Variants in ARHGEF7 observed in about 807,000 individuals in gnomAD.
The protein encoded by ARHGEF7 is PAK-interacting exchange factor beta.
A neutral mutation model predicts 109.8 loss-of-function variants in ARHGEF7; 33 were observed. The ratio of observed to expected loss-of-function variants is 0.30; its 90% CI spans 0.23 to 0.40. The LOEUF is 0.40. Ranked by LOEUF, ARHGEF7 falls within the 10% of genes least tolerant of loss-of-function variation. The pLI, the probability that ARHGEF7 is intolerant of heterozygous loss-of-function variation, is 1.00. For synonymous variants in ARHGEF7, 458 were observed against 424.6 expected, an observed-to-expected ratio of 1.08 and a Z score of -0.97; for missense variants, 938 against 1,098.5, an observed-to-expected ratio of 0.85 and a Z score of 2.07.
chr13:111,202,406 A>G (rs548550405), intron 2 of ARHGEF7, among the ~76,000 whole-genome samples: 2 of 152,322 alleles, frequency 1.3e-5, no homozygotes, highest in Admixed American at 1.3e-4. Flanking sequence ...GCCCTTTTAC[A>G]GCCCCCCAGG....
intron 2 of ARHGEF7, chr13:111,203,198 A>G: frequency 1.1e-6 from 1 of 883,216 alleles, no homozygotes; most frequent in Non-Finnish European, 1.5e-6. Context: ...TTTTCAGAGC[A>G]CTAAGATTAG....
chr13:111,229,297 C>T (rs968480068), intron 5 of ARHGEF7, among the ~76,000 whole-genome samples: 29 of 152,248 alleles, frequency 1.9e-4, no homozygotes, highest in African/African-American at 6.0e-4. Flanking sequence ...TTTTAATCCG[C>T]GTATTTTAAT....
chr13:111,151,738 T>G (rs551549128), intron 1 of ARHGEF7, among the ~76,000 whole-genome samples: 215 of 152,346 alleles, frequency 1.4e-3, no homozygotes, highest in African/African-American at 4.7e-3. Flanking sequence ...ACAGCCTTCT[T>G]GCGCTTAGGG....
intron 4 of ARHGEF7, among the ~76,000 whole-genome samples, chr13:111,216,857 G>A (rs950852130): frequency 3.3e-5 from 5 of 152,198 alleles, no homozygotes; most frequent in African/African-American, 4.8e-5. Context: ...AGCTCTGTCC[G>A]GGGCAGATGG....
chr13:111,183,935 C>T (rs2078997969), intron 2 of ARHGEF7, among the ~76,000 whole-genome samples: 2 of 152,082 alleles, frequency 1.3e-5, no homozygotes, highest in Admixed American at 1.3e-4. Flanking sequence ...TTGCTTATGG[C>T]CGGGTGCGGG....
chr13:111,177,771 C>T (rs77482910), intron 2 of ARHGEF7, among the ~76,000 whole-genome samples: 3,102 of 152,290 alleles, frequency 0.02, 107 homozygotes, highest in African/African-American at 0.071. Context: ...TATTAGCTCA[C>T]GTGCATTTTT....
intron 2 of ARHGEF7, among the ~76,000 whole-genome samples, chr13:111,190,321 G>A (rs1490552148): frequency 6.6e-6 from 1 of 152,198 alleles, no homozygotes; most frequent in East Asian, 1.9e-4. Context: ...GAAAGGCATT[G>A]TCTGACTTCA....
chr13:111,155,016 AC>A (rs778150912), intron 2 of ARHGEF7, among the ~76,000 whole-genome samples: 16 of 152,320 alleles, frequency 1.1e-4, no homozygotes, highest in South Asian at 2.1e-4. Context: ...TTAAAAAAAA[AC>A]AATAAAAAAC....
intron 16 of ARHGEF7, 111 bp from the exon 17 acceptor site, chr13:111,286,036 T>C (rs1567086767): frequency 4.0e-6 from 3 of 743,140 alleles, no homozygotes; most frequent in Non-Finnish European, 6.9e-6. Flanking sequence ...GAAGCTCTTA[T>C]CAGTGGCTAT....
intron 19 of ARHGEF7, chr13:111,295,030 A>G: frequency 2.0e-6 from 2 of 985,854 alleles, no homozygotes; most frequent in Non-Finnish European, 2.4e-6. Context: ...CATTTTTAGT[A>G]GGTGACTACC....
rs1290080485 is a variant in ARHGEF7 at position 111,272,366 on chromosome 13, C to T, written c.1074-1448C>T. The stretch of plus-strand genomic sequence containing the variant: ...GATGGTTCTGGTGTCCCCGAGACCT[C>T]TGGCAGTAGCCAGCTTGGCTGGGGT... On this transcript the variant is annotated intron_variant, in intron 9 of 21. Coordinates refer to ENST00000646102, the MANE Select transcript of ARHGEF7 (RefSeq NM_001354046.2). The surrounding 1 kb of genome is among the most constrained non-coding windows in gnomAD (Gnocchi z 5.2). Among the ~76,000 whole-genome samples the T allele has an allele frequency of 6.6e-6, 1 of 152,238 alleles. No homozygotes were observed. Among genetic ancestry groups the T allele is most frequent in the African/African-American group, 2.4e-5 (1 of 41,470 alleles).
chr13:111,292,706 G>GT (rs2093327364), intron 19 of ARHGEF7: 1 of 1,036,296 alleles, frequency 9.6e-7, no homozygotes, highest in African/African-American at 1.7e-5. Context: ...TGTGATCTAA[G>GT]TGCCAGAACC....
intron 2 of ARHGEF7, among the ~76,000 whole-genome samples, chr13:111,179,298 G>A (rs770984706): frequency 6.6e-6 from 1 of 152,048 alleles, no homozygotes; most frequent in African/African-American, 2.4e-5. Context: ...TGACCAGGCT[G>A]GTCTTGAACT....
At chr13:111,292,411 T>A (rs2093317626) in intron 19 of ARHGEF7, 117 bp downstream of exon 19, 5 of 1,521,570 alleles carry the variant, frequency 3.3e-6, no homozygotes, top group Non-Finnish European at 2.6e-6. Context: ...CTGTTCCTTG[T>A]CTCTTTTATG....
chr13:111,133,265 T>C (rs2074876404), intron 1 of ARHGEF7, among the ~76,000 whole-genome samples: 1 of 152,046 alleles, frequency 6.6e-6, no homozygotes, highest in Non-Finnish European at 1.5e-5. Context: ...ACATACAGTA[T>C]ATACACACCT....
Position 111,274,934 on chromosome 13 carries a change from G to T in ARHGEF7, c.1272+144G>T, listed in dbSNP as rs2092392955. 2.7e-5 allele frequency: 13 copies of T among 478,208 alleles called. No individual in the cohort carries two copies. In the South Asian group the frequency reaches 9.9e-4, roughly 36 times the overall value. The allele number at this position is 478,208 out of a possible 1,614,324, so 29.6% of individuals were successfully genotyped here. A position where few individuals can be genotyped will look rare whatever the true frequency, so the allele number is the denominator to read the frequency against. ...AAACAGAGTCGGCATTCTGTGGCTGGTAAACTCCTTTTAGTGGACTATGAT... is the reference window on the plus strand; with the variant it reads ...AAACAGAGTCGGCATTCTGTGGCTGTTAAACTCCTTTTAGTGGACTATGAT... On this transcript the variant is annotated intron_variant, in intron 11 of 21. Transcript: ENST00000646102.
At position 111,303,847 on chromosome 13, in the gene ARHGEF7, C is replaced by T. The variant is rs1469366003; in HGVS notation, c.*734C>T. ...AGAGGTGTTTGCTCTTGTCCGCTGT[C>T]TGAGTACTGTGATTCTCAGATGAGT... On this transcript the variant is annotated 3_prime_UTR_variant, in exon 22 of 22. Transcript: ENST00000646102. 6.6e-6 allele frequency: 1 copy of T among 152,276 alleles called. No homozygotes were observed. 9.4% of individuals were successfully genotyped at this position (152,276 alleles called of 1,614,324 possible). A position where few individuals can be genotyped will look rare whatever the true frequency, so the allele number is the denominator to read the frequency against.
At chr13:111,160,962 GACTAATGT>G (rs1409951743) in intron 2 of ARHGEF7, among the ~76,000 whole-genome samples, 4 of 152,140 alleles carry the variant, frequency 2.6e-5, no homozygotes, top group African/African-American at 9.7e-5. Context: ...TGTGAACGTG[GACTAATGT>G]ACATGCCAAA....
At position 111,246,240 on chromosome 13, in the gene ARHGEF7, C is replaced by T. The variant is rs747071319; in HGVS notation, c.950+1946C>T. On this transcript the variant is annotated intron_variant, in intron 8 of 21. Transcript: ENST00000646102. Reference sequence around the variant, plus strand: ...TTACTTGTGGGTTTGATGAAGGTGACACATTTTATTTTTAAATTATCTTTG... The same window carrying T: ...TTACTTGTGGGTTTGATGAAGGTGATACATTTTATTTTTAAATTATCTTTG... 1.6e-3 allele frequency among the ~76,000 whole-genome samples: 249 copies of T among 152,162 alleles called. 7 individuals carry two copies. The highest frequency in any genetic ancestry group is 2.2e-4 in the Non-Finnish European group (15 of 68,038).
Sources: gnomAD v4.1 joint callset for allele counts (sites outside exome capture counted in the v4.1 genomes callset) on GRCh38, gnomAD v4.1.1 for gene constraint, Gnocchi (gnomAD v3.1) non-coding constraint, MANE v1.5 for transcripts, NCBI Gene and HGNC (gene_info 2026-07-23, HGNC 2026-07-21) for gene names.